EPB41L2: variants seen among roughly 807,000 people sequenced by gnomAD.
EPB41L2 encodes erythrocyte membrane protein band 4.1 like 2.
EPB41L2 carries 43 observed loss-of-function variants against 113.0 expected under a neutral mutation model. That is an observed-to-expected ratio of 0.38 (90% CI 0.30 to 0.49). The LOEUF (loss-of-function observed/expected upper bound fraction) is 0.49. Among genes scored for constraint, EPB41L2 ranks in the 20% least tolerant of loss-of-function variants. The pLI is 0.95. For synonymous variants in EPB41L2, 442 were observed against 436.7 expected (o/e 1.01, Z -0.15); for missense variants, 1,147 against 1,223.4 (o/e 0.94, Z 0.93).
intron 3 of EPB41L2, among the ~76,000 whole-genome samples, chr6:130,928,239 T>C (rs925715227): frequency 6.6e-6 from 1 of 152,222 alleles, no homozygotes; most frequent in Non-Finnish European, 1.5e-5. Context: ...ATATTAAAAG[T>C]ATATACAAAT....
At chr6:130,931,296 C>T (rs73617178) in intron 3 of EPB41L2, among the ~76,000 whole-genome samples, 2,488 of 151,874 alleles carry the variant, frequency 0.016, 78 homozygotes, top group African/African-American at 0.056. Flanking sequence ...GGTTCTAACA[C>T]GCATTATTTT....
chr6:130,930,775 T>C (rs906661948), intron 3 of EPB41L2, among the ~76,000 whole-genome samples: 2 of 152,046 alleles, frequency 1.3e-5, no homozygotes, highest in Non-Finnish European at 2.9e-5. Flanking sequence ...AATCAGATCT[T>C]CAGAGACTGC....
intron 4 of EPB41L2, among the ~76,000 whole-genome samples, chr6:130,912,138 C>A (rs551162986): frequency 4.2e-4 from 64 of 152,266 alleles, no homozygotes; most frequent in Middle Eastern, 3.4e-3. Flanking sequence ...TCAGGTGGAG[C>A]AGTTTCATGC....
intron 1 of EPB41L2, among the ~76,000 whole-genome samples, chr6:131,025,606 C>G (rs1289474868): frequency 6.6e-6 from 1 of 152,198 alleles, no homozygotes; most frequent in Non-Finnish European, 1.5e-5. Flanking sequence ...CCCCCTTGGG[C>G]TTTCACTCCA....
intron 3 of EPB41L2, among the ~76,000 whole-genome samples, chr6:130,947,390 T>C (rs1487748213): frequency 6.6e-6 from 1 of 152,092 alleles, no homozygotes; most frequent in African/African-American, 2.4e-5. Context: ...CATGTACATA[T>C]AGAAAGAAAA....
chr6:130,842,660 T>C (rs1775882435), intron 19 of EPB41L2, among the ~76,000 whole-genome samples: 1 of 152,098 alleles, frequency 6.6e-6, no homozygotes, highest in Non-Finnish European at 1.5e-5. Context: ...TCTGTTTTCA[T>C]CAAAAATAAA....
At chr6:131,046,674 A>G (rs1251224522) in intron 1 of EPB41L2, among the ~76,000 whole-genome samples, 2 of 152,158 alleles carry the variant, frequency 1.3e-5, no homozygotes, top group African/African-American at 4.8e-5. Context: ...TCAACATTCC[A>G]GATAGACTCA....
At chr6:130,925,231 C>T (rs1429833023) in intron 4 of EPB41L2, among the ~76,000 whole-genome samples, 2 of 142,196 alleles carry the variant, frequency 1.4e-5, no homozygotes, top group African/African-American at 2.8e-5. Context: ...CTCTGTCATC[C>T]AGGCTGGAGT....
chr6:131,045,881 T>C (rs1416432288), intron 1 of EPB41L2, among the ~76,000 whole-genome samples: 1 of 151,762 alleles, frequency 6.6e-6, no homozygotes, highest in Admixed American at 6.6e-5. Context: ...TTTATAAAGA[T>C]ATAAAGATAC....
At chr6:130,991,129 T>C (rs1402591737) in intron 1 of EPB41L2, among the ~76,000 whole-genome samples, 1 of 152,078 alleles carries the variant, frequency 6.6e-6, no homozygotes, top group Non-Finnish European at 1.5e-5. Flanking sequence ...TACCAAACAG[T>C]ACAATCTTGG....
At chr6:130,900,855 A>T (rs1487125815) in intron 7 of EPB41L2, 107 bp downstream of exon 7, 1 of 1,356,286 alleles carries the variant, frequency 7.4e-7, no homozygotes, top group Non-Finnish European at 1.0e-6. Flanking sequence ...CTCCAAAAGG[A>T]AAAATTGGAT....
chr6:130,876,228 C>T (rs1787523724), intron 14 of EPB41L2, among the ~76,000 whole-genome samples: 1 of 152,124 alleles, frequency 6.6e-6, no homozygotes, highest in African/African-American at 2.4e-5. Context: ...TATGGTGCAT[C>T]AAAATCTTTG....
At chr6:130,876,648 T>C (rs1332492767) in intron 14 of EPB41L2, 1 of 1,259,292 alleles carries the variant, frequency 7.9e-7, no homozygotes, top group Non-Finnish European at 1.0e-6. Context: ...AAAGCAAGAG[T>C]AGATCCAAGG....
chr6:130,925,749 C>T (rs751734921), intron 4 of EPB41L2, among the ~76,000 whole-genome samples: 1 of 152,066 alleles, frequency 6.6e-6, no homozygotes, highest in Non-Finnish European at 1.5e-5. Flanking sequence ...GTCTAAAAAA[C>T]CTAGTTTATT....
intron 1 of EPB41L2, among the ~76,000 whole-genome samples, chr6:130,989,843 T>C (rs1024593946): frequency 1.3e-5 from 2 of 152,124 alleles, no homozygotes; most frequent in African/African-American, 2.4e-5. Flanking sequence ...GTAAGACACA[T>C]GGCCAAAGAC....
chr6:130,841,216 T>A (rs985266924), intron 19 of EPB41L2, among the ~76,000 whole-genome samples: 3 of 85,530 alleles, frequency 3.5e-5, no homozygotes, highest in South Asian at 1.3e-3. Flanking sequence ...CTTGATCTAA[T>A]TGACCAAAAA....
At chr6:130,995,977 C>T (rs1380983618) in intron 1 of EPB41L2, among the ~76,000 whole-genome samples, 2 of 152,126 alleles carry the variant, frequency 1.3e-5, no homozygotes, top group Non-Finnish European at 2.9e-5. Context: ...ACTTGTTTTT[C>T]CTGTTCTATT....
At chr6:130,995,070 C>T (rs1054989197) in intron 1 of EPB41L2, among the ~76,000 whole-genome samples, 1 of 152,244 alleles carries the variant, frequency 6.6e-6, no homozygotes, top group Admixed American at 6.5e-5. Context: ...GGCGTGGTGG[C>T]TCACACCTGT....
At chr6:130,999,132 T>A (rs920594387) in intron 1 of EPB41L2, among the ~76,000 whole-genome samples, 3 of 152,056 alleles carry the variant, frequency 2.0e-5, no homozygotes, top group African/African-American at 7.2e-5. Flanking sequence ...TTTGCCAGAC[T>A]TCCCTGCCTA....
Sources: gnomAD v4.1 joint callset for allele counts (sites outside exome capture counted in the v4.1 genomes callset) on GRCh38, gnomAD v4.1.1 for gene constraint, MANE v1.5 for transcripts, NCBI Gene and HGNC (gene_info 2026-07-23, HGNC 2026-07-21) for gene names.